The following TTBK2 variants were observed in gnomAD, a reference collection of about 807,000 sequenced individuals.
TTBK2 encodes the protein tau-tubulin kinase 2.
Under a neutral mutation model 110.8 loss-of-function variants are expected in TTBK2, and 28 were observed. That is an observed-to-expected ratio of 0.25 (90% confidence interval 0.19 to 0.35). The LOEUF (loss-of-function observed/expected upper bound fraction) is 0.35. TTBK2 is among the 10% of genes least tolerant of loss of function. TTBK2 has a pLI of 1.00. For synonymous variants in TTBK2, 532 were observed against 527.3 expected (o/e 1.01, Z -0.12); for missense variants, 1,369 against 1,500.3 (o/e 0.91, Z 1.45).
At chr15:42,814,335 T>G (rs1466415704) in intron 7 of TTBK2, among the ~76,000 whole-genome samples, 1 of 152,142 alleles carries the variant, frequency 6.6e-6, no homozygotes, top group African/African-American at 2.4e-5. Flanking sequence ...TCCCAGCACT[T>G]TCGGGGGCCA....
chr15:42,918,362 T>G (rs1440089986), intron 1 of TTBK2, among the ~76,000 whole-genome samples: 1 of 152,178 alleles, frequency 6.6e-6, no homozygotes, highest in Non-Finnish European at 1.5e-5. Context: ...GTTTTTTTTT[T>G]TAAAGCAGCA....
intron 4 of TTBK2, among the ~76,000 whole-genome samples, chr15:42,833,360 G>T (rs1359034796): frequency 6.6e-6 from 1 of 150,742 alleles, no homozygotes; most frequent in East Asian, 1.9e-4. Context: ...AAATGCAAGT[G>T]AATTGCTAAA....
chr15:42,862,341 A>G (rs1894190880), intron 3 of TTBK2, among the ~76,000 whole-genome samples: 1 of 152,196 alleles, frequency 6.6e-6, no homozygotes, highest in South Asian at 2.1e-4. Context: ...CCTCAACAAA[A>G]TACTAGCAAA....
At position 42,906,618 on chromosome 15, in the gene TTBK2, G is replaced by C. The variant is rs373905733; in HGVS notation, c.-68+13820C>G. Among the ~76,000 whole-genome samples, 46 of 152,246 alleles carry C rather than the reference G, an allele frequency of 3.0e-4. No individual in the cohort carries two copies. In the Middle Eastern group the frequency reaches 0.01, roughly 34 times the overall value. On this transcript the variant is annotated intron_variant, in intron 1 of 14. Coordinates refer to ENST00000267890, the MANE Select transcript of TTBK2 (RefSeq NM_173500.4). ...GGAAACACACCAGTACACTGGTCTA[G>C]GCAAAGATTTCTTGTGTAAAATCTC...
chr15:42,913,876 C>T (rs969715857), intron 1 of TTBK2, among the ~76,000 whole-genome samples: 1 of 152,062 alleles, frequency 6.6e-6, no homozygotes, highest in African/African-American at 2.4e-5. Flanking sequence ...CCAAATCAAC[C>T]GAGCAAAGCA....
At position 42,745,803 on chromosome 15, in the gene TTBK2, T is replaced by G. The variant is rs1482886137; in HGVS notation, c.3727A>C (p.Ser1243Arg). 1 of 1,614,040 alleles carries G rather than the reference T, an allele frequency of 6.2e-7. No individual in the cohort carries two copies. The highest frequency in any genetic ancestry group is 1.3e-5 in the African/African-American group (1 of 75,044). The change falls in exon 15 of 15, where the codon AGC becomes CGC. Residue 1243 changes from serine (S) to arginine (R), a missense_variant. Physicochemically the swap from Ser to Arg is moderately radical, Grantham distance 110 (BLOSUM62 -1). Around this residue, in one of 4 missense-constraint regions of TTBK2, gnomAD observed 1,097 missense variants for 1,114.7 expected, o/e 0.98. Coordinates refer to ENST00000267890, the MANE Select transcript of TTBK2 (RefSeq NM_173500.4). ...GAGATGCAGCCTGGCTCCTATCTGC[T>G]GAGTTTACTGGCTGGCTTACTCTTC... ...QGKSKPASKL[S>R]R
chr15:42,858,634 A>G (rs546840816), intron 3 of TTBK2, among the ~76,000 whole-genome samples: 21 of 152,342 alleles, frequency 1.4e-4, no homozygotes, highest in African/African-American at 5.1e-4. Flanking sequence ...AAGTGAAAAA[A>G]TCACCAACTC....
chr15:42,863,045 A>T (rs1363330701), intron 3 of TTBK2, among the ~76,000 whole-genome samples: 1 of 152,192 alleles, frequency 6.6e-6, no homozygotes, highest in East Asian at 1.9e-4. Context: ...TACTCAACAT[A>T]GTATTGGAAA....
intron 3 of TTBK2, among the ~76,000 whole-genome samples, chr15:42,861,902 GGAT>G (rs1343029473): frequency 6.6e-6 from 1 of 152,006 alleles, no homozygotes; most frequent in African/African-American, 2.4e-5. Context: ...GAAATGACAA[GGAT>G]GATAACTGAT....
intron 10 of TTBK2, among the ~76,000 whole-genome samples, chr15:42,792,167 T>C (rs757562572): frequency 3.2e-4 from 49 of 152,184 alleles, no homozygotes; most frequent in Non-Finnish European, 5.6e-4. Context: ...TACTAGTGTA[T>C]ATTTCAAAAT....
chr15:42,747,669 G>T (rs1174385234), intron 14 of TTBK2, among the ~76,000 whole-genome samples: 1 of 152,180 alleles, frequency 6.6e-6, no homozygotes, highest in East Asian at 1.9e-4. Context: ...GTGCAGCCCT[G>T]GGGTGGGGAG....
At chr15:42,776,056 T>C (rs928921193) in intron 12 of TTBK2, among the ~76,000 whole-genome samples, 1 of 152,188 alleles carries the variant, frequency 6.6e-6, no homozygotes, top group African/African-American at 2.4e-5. Context: ...CAATGCCCCA[T>C]CCATCCTTTC....
intron 1 of TTBK2, among the ~76,000 whole-genome samples, chr15:42,896,658 G>C (rs1895679759): frequency 6.6e-6 from 1 of 151,970 alleles, no homozygotes; most frequent in South Asian, 2.1e-4. Flanking sequence ...GCCAGGCATG[G>C]TGGTACGTGC....
chr15:42,801,178 T>C (rs537250440), intron 9 of TTBK2: 19 of 1,313,900 alleles, frequency 1.4e-5, no homozygotes, highest in Non-Finnish European at 2.0e-5. Context: ...GTGGTCTTCA[T>C]ATGGATACTC....
chr15:42,819,916 GA>G (rs1892220091), intron 6 of TTBK2, among the ~76,000 whole-genome samples: 1 of 152,106 alleles, frequency 6.6e-6, no homozygotes, highest in African/African-American at 2.4e-5. Context: ...CTGTCAGAAT[GA>G]AAATCTCCAG....
chr15:42,919,608 C>T (rs2031262278), intron 1 of TTBK2, among the ~76,000 whole-genome samples: 3 of 152,230 alleles, frequency 2.0e-5, no homozygotes, highest in African/African-American at 7.2e-5. Context: ...AAAACATCTT[C>T]ACATTATTAG....
intron 9 of TTBK2, among the ~76,000 whole-genome samples, chr15:42,805,471 C>T (rs535300212): frequency 2.0e-5 from 3 of 152,118 alleles, no homozygotes; most frequent in Admixed American, 1.3e-4. Context: ...AACAGAGGCA[C>T]GTTCCAGGTA....
chr15:42,850,065 C>G (rs1331923313), intron 3 of TTBK2, among the ~76,000 whole-genome samples: 3 of 152,154 alleles, frequency 2.0e-5, no homozygotes, highest in Admixed American at 2.0e-4. Context: ...TTTCCCAACT[C>G]TCTTCAGACC....
chr15:42,920,008 A>T (rs2031284028), intron 1 of TTBK2, among the ~76,000 whole-genome samples: 1 of 152,178 alleles, frequency 6.6e-6, no homozygotes, highest in Non-Finnish European at 1.5e-5. Context: ...CACAGCAAAC[A>T]GATTCAGTAG....
Sources: allele counts gnomAD v4.1 joint callset (sites outside exome capture counted in the v4.1 genomes callset), GRCh38; gene constraint gnomAD v4.1.1; regional missense constraint gnomAD v4.1.1; transcripts MANE v1.5; gene names NCBI Gene and HGNC (gene_info 2026-07-23, HGNC 2026-07-21).